DDR2: variants seen among roughly 807,000 people sequenced by gnomAD.
DDR2 encodes the protein discoidin domain-containing receptor 2.
DDR2 carries 27 observed loss-of-function variants against 94.9 expected under a neutral mutation model. The observed-to-expected ratio is 0.28, with a 90% confidence interval of 0.21 to 0.39. The LOEUF is 0.39. DDR2 is among the 10% of genes least tolerant of loss of function. The pLI, the probability that DDR2 is intolerant of heterozygous loss-of-function variation, is 1.00. For synonymous variants in DDR2, 382 were observed against 377.2 expected (o/e 1.01, Z -0.15); for missense variants, 783 against 1,076.0 (o/e 0.73, Z 3.81).
At chr1:162,661,810 C>T (rs1320766041) in intron 2 of DDR2, among the ~76,000 whole-genome samples, 2 of 152,178 alleles carry the variant, frequency 1.3e-5, no homozygotes, top group African/African-American at 2.4e-5. Context: ...ATTCTTTTTC[C>T]TCATCCAGAG....
chr1:162,766,755 T>A (rs1251522536), intron 10 of DDR2, among the ~76,000 whole-genome samples: 5 of 151,910 alleles, frequency 3.3e-5, no homozygotes, highest in Non-Finnish European at 1.5e-5. Context: ...ATAAACAGAT[T>A]GGGCGTGGTG....
intron 2 of DDR2, among the ~76,000 whole-genome samples, chr1:162,679,088 G>T (rs936509422): frequency 6.6e-6 from 1 of 151,164 alleles, no homozygotes; most frequent in Non-Finnish European, 1.5e-5. Context: ...TGGTATCTGT[G>T]CAGGTTTGTC....
rs370312427 is a variant in DDR2 at position 162,743,869 on chromosome 1, C to T, written c.83-9226C>T. On this transcript the variant is annotated intron_variant, in intron 3 of 17. Transcript: ENST00000367921. ...TGTGTCCCTTTATGATTCCTCTGGC[C>T]GCTCCTCCTTCCCCCAGGAAACAAC... Among the ~76,000 whole-genome samples, 337 of 152,262 alleles carry T rather than the reference C, an allele frequency of 2.2e-3. 2 individuals carry two copies. The highest frequency in any genetic ancestry group is 0.011 in the South Asian group (54 of 4,818).
chr1:162,696,539 C>G (rs766599178), intron 2 of DDR2, among the ~76,000 whole-genome samples: 3 of 151,946 alleles, frequency 2.0e-5, no homozygotes, highest in Admixed American at 2.0e-4. Flanking sequence ...GCTTGAGCCT[C>G]TGGCTTTCAT....
intron 3 of DDR2, among the ~76,000 whole-genome samples, chr1:162,748,164 T>A (rs1662979627): frequency 6.6e-6 from 1 of 152,174 alleles, no homozygotes; most frequent in Admixed American, 6.5e-5. Context: ...TAACCTTAAA[T>A]GTAAATGGGC....
Position 162,767,337 on chromosome 1 carries a change from T to C in DDR2, c.1271T>C (p.Phe424Ser). ...ATTGTCATCATCCTCTGGAGGCAGTTCTGGCAGAAAATGCTGGAGAAGGTG... is the reference window on the plus strand; with the variant it reads ...ATTGTCATCATCCTCTGGAGGCAGTCCTGGCAGAAAATGCTGGAGAAGGTG... ...AIIVIILWRQFWQKMLEKASR... is the reference protein window; with the variant it reads ...AIIVIILWRQSWQKMLEKASR... Residue 424 changes from phenylalanine to serine, a missense_variant, in exon 11 of 18, where the codon TTC (phenylalanine) becomes TCC (serine). Phe to Ser is a radical substitution (Grantham distance 155, BLOSUM62 -2). Coordinates refer to ENST00000367921, the MANE Select transcript of DDR2 (RefSeq NM_006182.4). The C allele has an allele frequency of 6.2e-7, 1 of 1,614,068 alleles. No individual in the cohort carries two copies. The highest frequency in any genetic ancestry group is 1.1e-5 in the South Asian group (1 of 91,074).
intron 2 of DDR2, among the ~76,000 whole-genome samples, chr1:162,681,572 G>A (rs1035159020): frequency 8.5e-5 from 13 of 152,136 alleles, no homozygotes; most frequent in African/African-American, 2.9e-4. Flanking sequence ...TCTGGAGGCT[G>A]GGAAATCCTA....
At chr1:162,761,047 G>C (rs1022468737) in intron 8 of DDR2, among the ~76,000 whole-genome samples, 164 bp from the exon 9 acceptor site, 4 of 152,048 alleles carry the variant, frequency 2.6e-5, no homozygotes, top group African/African-American at 9.7e-5. Flanking sequence ...AAGAAGACTG[G>C]CTCTGAAATG....
At chr1:162,747,063 A>C (rs944638962) in intron 3 of DDR2, among the ~76,000 whole-genome samples, 1 of 152,244 alleles carries the variant, frequency 6.6e-6, no homozygotes, top group Non-Finnish European at 1.5e-5. Flanking sequence ...ATGGGGAGAA[A>C]CCAGAGCAGA....
At chr1:162,650,614 A>G (rs1183608559) in intron 1 of DDR2, among the ~76,000 whole-genome samples, 1 of 152,234 alleles carries the variant, frequency 6.6e-6, no homozygotes, top group African/African-American at 2.4e-5. Flanking sequence ...ATACATAAAT[A>G]AATAAATAAC....
At chr1:162,649,348 A>G (rs1657566681) in intron 1 of DDR2, among the ~76,000 whole-genome samples, 2 of 152,152 alleles carry the variant, frequency 1.3e-5, no homozygotes, top group Non-Finnish European at 2.9e-5. Context: ...CACAGCATAT[A>G]TTTAAAGAAA....
intron 2 of DDR2, among the ~76,000 whole-genome samples, chr1:162,713,152 A>C (rs527677964): frequency 3.9e-5 from 6 of 152,304 alleles, no homozygotes; most frequent in African/African-American, 1.4e-4. Flanking sequence ...TCTAAAATAG[A>C]AACAGGCAGT....
At position 162,638,292 on chromosome 1, in the gene DDR2, A is replaced by T. The variant is rs1260926601; in HGVS notation, c.-192+5661A>T. The stretch of plus-strand genomic sequence containing the variant: ...TGCCTCGGCCTCCCAAAGTGTTGGG[A>T]TTACAGGCATGAGCCACTGCGCCCG... On this transcript the variant is annotated intron_variant, in intron 1 of 17. Transcript: ENST00000367921. 2.0e-5 allele frequency among the ~76,000 whole-genome samples: 3 copies of T among 152,292 alleles called. No individual in the cohort carries two copies. The East Asian group carries it at 5.8e-4, about 29-fold the overall frequency.
intron 3 of DDR2, among the ~76,000 whole-genome samples, chr1:162,744,291 C>T (rs923754521): frequency 2.6e-5 from 4 of 152,174 alleles, no homozygotes; most frequent in South Asian, 2.1e-4. Flanking sequence ...TTATATCCCT[C>T]GAATATGAAT....
intron 1 of DDR2, among the ~76,000 whole-genome samples, chr1:162,640,806 A>G (rs1340903055): frequency 3.9e-5 from 6 of 152,072 alleles, no homozygotes; most frequent in African/African-American, 1.4e-4. Flanking sequence ...TTTGTGTCAT[A>G]CTCTTCAAAT....
chr1:162,734,521 C>T (rs775682363), intron 3 of DDR2, among the ~76,000 whole-genome samples: 7 of 152,098 alleles, frequency 4.6e-5, no homozygotes, highest in Non-Finnish European at 1.0e-4. Flanking sequence ...CTGTTATGAA[C>T]GAAAACCAGT....
chr1:162,755,089 GGTGGGGTGAAGAAAA>G, intron 5 of DDR2, 52 bp from the exon 6 acceptor site: 7 of 1,605,466 alleles, frequency 4.4e-6, no homozygotes, highest in Non-Finnish European at 6.0e-6. Context: ...TCAAAAACGT[GGTGGGGTGAAGAAAA>G]GTGAGCATGA....
At chr1:162,645,762 A>G (rs572611834) in intron 1 of DDR2, among the ~76,000 whole-genome samples, 2 of 152,326 alleles carry the variant, frequency 1.3e-5, no homozygotes, top group South Asian at 2.1e-4. Context: ...ATCGAATGTC[A>G]GTTTCTATGA....
intron 12 of DDR2, among the ~76,000 whole-genome samples, chr1:162,771,667 A>G (rs987574848): frequency 6.6e-6 from 1 of 152,204 alleles, no homozygotes; most frequent in African/African-American, 2.4e-5. Flanking sequence ...TTTTAAGTCA[A>G]TAACAGTGTC....
Sources: allele counts gnomAD v4.1 joint callset (sites outside exome capture counted in the v4.1 genomes callset), GRCh38; gene constraint gnomAD v4.1.1; transcripts MANE v1.5; gene names NCBI Gene and HGNC (gene_info 2026-07-23, HGNC 2026-07-21).